The following CDK19 variants were observed in gnomAD, a reference collection of about 807,000 sequenced individuals.
The protein encoded by CDK19 is cyclin-dependent kinase 19.
A neutral mutation model predicts 68.3 loss-of-function variants in CDK19; 20 were observed. That is an observed-to-expected ratio of 0.29 (90% confidence interval 0.21 to 0.43). CDK19 has a LOEUF of 0.43. Ranked by LOEUF, CDK19 falls within the 20% of genes least tolerant of loss-of-function variation. CDK19 has a pLI of 1.00. For synonymous variants in CDK19, 221 were observed against 222.8 expected (o/e 0.99, Z 0.07); for missense variants, 339 against 623.5 (o/e 0.54, Z 4.86).
chr6:110,718,847 T>A (rs893910888), intron 2 of CDK19, among the ~76,000 whole-genome samples: 44 of 152,138 alleles, frequency 2.9e-4, no homozygotes, highest in African/African-American at 1.0e-3. Context: ...AAGCCCTGAC[T>A]GTAAAGGAAC....
intron 4 of CDK19, among the ~76,000 whole-genome samples, chr6:110,653,600 G>C (rs1054705837): frequency 6.6e-6 from 1 of 152,178 alleles, no homozygotes; most frequent in South Asian, 2.1e-4. Context: ...GGCAAGAGTT[G>C]GATGCCTCAC....
rs538122779 is a variant in CDK19 at position 110,637,655 on chromosome 6, C to A, written c.514+994G>T. ...TTTTAACATATTTCTAAAAAGCATT[C>A]AACTTTCAATAAATATAATTTCTAG... On this transcript the variant is annotated intron_variant, in intron 5 of 12. Transcript: ENST00000368911. Among the ~76,000 whole-genome samples, 4 of 152,284 alleles carry A rather than the reference C, an allele frequency of 2.6e-5. No homozygotes were observed. In the East Asian group the frequency reaches 7.7e-4, roughly 29 times the overall value.
intron 1 of CDK19, among the ~76,000 whole-genome samples, chr6:110,775,225 C>CA (rs1458005687): frequency 1.3e-5 from 2 of 152,058 alleles, no homozygotes; most frequent in African/African-American, 4.8e-5. Context: ...AGCCTGGCAA[C>CA]AGGGTGAGAA....
At chr6:110,751,550 T>C (rs1240057281) in intron 1 of CDK19, among the ~76,000 whole-genome samples, 8 of 152,088 alleles carry the variant, frequency 5.3e-5, no homozygotes, top group Admixed American at 1.3e-4. Context: ...AGTGTAATAA[T>C]AACACAAATA....
At chr6:110,721,756 G>T (rs1775907339) in intron 2 of CDK19, among the ~76,000 whole-genome samples, 1 of 151,962 alleles carries the variant, frequency 6.6e-6, no homozygotes, top group Non-Finnish European at 1.5e-5. Flanking sequence ...ACAAATCAAG[G>T]ATTTGAGATC....
chr6:110,779,576 G>T (rs2115025675), intron 1 of CDK19, among the ~76,000 whole-genome samples: 1 of 152,230 alleles, frequency 6.6e-6, no homozygotes, highest in South Asian at 2.1e-4. Flanking sequence ...CTCAATAAAT[G>T]TTAGATGAAT....
intron 2 of CDK19, among the ~76,000 whole-genome samples, chr6:110,709,905 T>G (rs1007020518): frequency 2.0e-5 from 3 of 152,196 alleles, no homozygotes; most frequent in African/African-American, 4.8e-5. Context: ...CATCTATGTG[T>G]TAGTGACACA....
chr6:110,690,117 G>A (rs1450994028), intron 2 of CDK19, among the ~76,000 whole-genome samples: 2 of 148,510 alleles, frequency 1.3e-5, no homozygotes, highest in South Asian at 2.2e-4. Flanking sequence ...ATTCCCCCTC[G>A]TTCAACACTG....
At chr6:110,669,292 T>A (rs768583637) in intron 3 of CDK19, among the ~76,000 whole-genome samples, 4 of 152,256 alleles carry the variant, frequency 2.6e-5, no homozygotes, top group African/African-American at 9.6e-5. Context: ...TTATAACTTA[T>A]ATAGATGACA....
intron 4 of CDK19, among the ~76,000 whole-genome samples, chr6:110,643,017 T>C (rs1271497269): frequency 2.0e-5 from 3 of 152,170 alleles, no homozygotes; most frequent in Non-Finnish European, 4.4e-5. Context: ...AAGGTAGGCC[T>C]GAGAGCAGCT....
At chr6:110,648,675 G>C (rs1265205066) in intron 4 of CDK19, among the ~76,000 whole-genome samples, 1 of 151,146 alleles carries the variant, frequency 6.6e-6, no homozygotes, top group Non-Finnish European at 1.5e-5. Flanking sequence ...TGAGTAGCTG[G>C]GATTACAGGC....
chr6:110,806,694 T>A (rs564285555), intron 1 of CDK19, among the ~76,000 whole-genome samples: 54 of 152,250 alleles, frequency 3.5e-4, no homozygotes, highest in African/African-American at 1.3e-3. Context: ...ATTTAAAATA[T>A]GGGCCAAGCA....
At position 110,746,075 on chromosome 6, in the gene CDK19, C is replaced by A. The variant is rs145912090; in HGVS notation, c.204+51G>T. ...ATGAAACTTTTATATTAAAATAAAT[C>A]ATCACCCAATATCAATAATAAAATA... is the stretch of plus-strand genomic sequence containing the variant. On this transcript the variant is annotated intron_variant, in intron 2 of 12. Coordinates refer to ENST00000368911, the MANE Select transcript of CDK19 (RefSeq NM_015076.5). The A allele has an allele frequency of 8.6e-3, 7,570 of 878,080 alleles. 102 individuals are homozygous for A. The highest frequency in any genetic ancestry group is 7.7e-3 in the Non-Finnish European group (4,458 of 580,988). The allele number at this position is 878,080 out of a possible 1,614,324, so 54.4% of individuals were successfully genotyped here. A position where few individuals can be genotyped will look rare whatever the true frequency, so the allele number is the denominator to read the frequency against.
chr6:110,646,368 G>A (rs1408795487), intron 4 of CDK19: 6 of 1,466,954 alleles, frequency 4.1e-6, no homozygotes, highest in Non-Finnish European at 5.4e-6. Flanking sequence ...CCATGTGGGC[G>A]ACAGCGCCAA....
At chr6:110,704,413 C>G (rs1339658250) in intron 2 of CDK19, among the ~76,000 whole-genome samples, 3 of 152,042 alleles carry the variant, frequency 2.0e-5, no homozygotes, top group Non-Finnish European at 4.4e-5. Context: ...TTATCCAACT[C>G]TCCACCCCTC....
chr6:110,799,150 A>AAG (rs1456095227), intron 1 of CDK19, among the ~76,000 whole-genome samples: 1 of 133,144 alleles, frequency 7.5e-6, no homozygotes, highest in Non-Finnish European at 1.7e-5. Flanking sequence ...TATTTAAAAA[A>AAG]AAAAAAAAAA....
chr6:110,711,705 C>T (rs997313567), intron 2 of CDK19, among the ~76,000 whole-genome samples: 6 of 152,230 alleles, frequency 3.9e-5, no homozygotes, highest in Admixed American at 3.9e-4. Flanking sequence ...CAGTGGCTCA[C>T]GCCTGCAATC....
rs957596487 is a variant in CDK19, at chr6:110,646,568, C to A, written c.457-7862G>T. 2.5e-4 allele frequency: 245 copies of A among 976,408 alleles called. 1 individual carries two copies. The highest frequency in any genetic ancestry group is 8.1e-5 in the Non-Finnish European group (58 of 715,028). 60.5% of individuals were successfully genotyped at this position (976,408 alleles called of 1,614,324 possible). On this transcript the variant is annotated intron_variant, in intron 4 of 12. Transcript: ENST00000368911. The stretch of plus-strand genomic sequence containing the variant: ...GCTTAAGTCGTGCTGAGTACGGCCA[C>A]CTGCAGGGGGTCAACCGGGCCAACG...
chr6:110,631,846 A>C (rs1779458947), intron 6 of CDK19, among the ~76,000 whole-genome samples, 184 bp downstream of exon 6: 1 of 152,240 alleles, frequency 6.6e-6, no homozygotes, highest in Admixed American at 6.5e-5. Context: ...TTCTTCTTTT[A>C]AAATAACCAT....
Sources: gnomAD v4.1 joint callset for allele counts (sites outside exome capture counted in the v4.1 genomes callset) on GRCh38, gnomAD v4.1.1 for gene constraint, MANE v1.5 for transcripts, NCBI Gene and HGNC (gene_info 2026-07-23, HGNC 2026-07-21) for gene names.